CCDC13: variants seen among roughly 807,000 people sequenced by gnomAD.
CCDC13 encodes the protein coiled-coil domain containing 13.
A neutral mutation model predicts 87.3 loss-of-function variants in CCDC13; 70 were observed. The ratio of observed to expected loss-of-function variants is 0.80; its 90% CI spans 0.66 to 0.98. The LOEUF (loss-of-function observed/expected upper bound fraction) is 0.98. CCDC13 is among the 50% of genes least tolerant of loss of function. The pLI, the probability that CCDC13 is intolerant of heterozygous loss-of-function variation, is 0.00. For synonymous variants in CCDC13, 317 were observed against 360.3 expected (o/e 0.88, Z 1.36); for missense variants, 842 against 892.0 (o/e 0.94, Z 0.71).
chr3:42,729,939 G>A (rs1056684823), intron 13 of CCDC13, among the ~76,000 whole-genome samples: 4 of 152,180 alleles, frequency 2.6e-5, no homozygotes, highest in East Asian at 1.9e-4. Context: ...TCATTTGAGC[G>A]AGGAGCACTG....
chr3:42,751,313 G>A (rs953667144), intron 5 of CCDC13, among the ~76,000 whole-genome samples: 1 of 152,160 alleles, frequency 6.6e-6, no homozygotes, highest in African/African-American at 2.4e-5. Context: ...AACCCACTAG[G>A]TCAGACTGAC....
chr3:42,748,928 G>T (rs1699495472), intron 5 of CCDC13, among the ~76,000 whole-genome samples: 1 of 152,004 alleles, frequency 6.6e-6, no homozygotes, highest in Admixed American at 6.6e-5. Context: ...GCTAATTTTT[G>T]TATATTTTTT....
In CCDC13 at chr3:42,747,490, G is replaced by A. The variant is rs1310595786; in HGVS notation, c.604-117C>T. Reference sequence around the variant, plus strand: ...ACTGTGCTAAGTGTTTGACATGGAAGAACTCATTTAATCCTCATAAACCCC... The same window carrying A: ...ACTGTGCTAAGTGTTTGACATGGAAAAACTCATTTAATCCTCATAAACCCC... On this transcript the variant is annotated intron_variant, in intron 5 of 15. Transcript: ENST00000310232. The A allele has an allele frequency of 1.3e-5, 10 of 748,522 alleles. No homozygotes were observed. In the East Asian group the frequency reaches 2.5e-4, roughly 18 times the overall value. The allele number at this position is 748,522 out of a possible 1,614,324, so 46.4% of individuals were successfully genotyped here.
Position 42,708,973 on chromosome 3 carries a change from T to C in CCDC13, c.*7A>G, listed in dbSNP as rs1301129895. The C allele has an allele frequency of 6.2e-7, 1 of 1,608,992 alleles. No homozygotes were observed. The highest frequency in any genetic ancestry group is 8.5e-7 in the Non-Finnish European group (1 of 1,177,552). On this transcript the variant is annotated 3_prime_UTR_variant, in exon 16 of 16. Coordinates refer to ENST00000310232, the MANE Select transcript of CCDC13 (RefSeq NM_144719.4). Reference sequence around the variant, plus strand: ...CCACCCGGCCAGGCCGACACTGGGCTGTCATCCTATTGCTTGCCTGTCTTC... The same window carrying C: ...CCACCCGGCCAGGCCGACACTGGGCCGTCATCCTATTGCTTGCCTGTCTTC...
At chr3:42,740,451 T>A (rs1198735212) in intron 8 of CCDC13, among the ~76,000 whole-genome samples, 5 of 152,198 alleles carry the variant, frequency 3.3e-5, no homozygotes, top group Non-Finnish European at 7.3e-5. Flanking sequence ...TATGGTTTCC[T>A]GAGGGCCTAC....
At chr3:42,765,275 A>AGTAAT (rs1228929002) in intron 1 of CCDC13, among the ~76,000 whole-genome samples, 1 of 152,222 alleles carries the variant, frequency 6.6e-6, no homozygotes, top group Non-Finnish European at 1.5e-5. Flanking sequence ...TGGGATAGAC[A>AGTAAT]GTAATGCCTG....
rs1375397997 is a variant in CCDC13 at position 42,747,503 on chromosome 3, C to T, written c.604-130G>A. ...TTTGACATGGAAGAACTCATTTAAT[C>T]CTCATAAACCCCTGTGAGGTAGGTT... On this transcript the variant is annotated intron_variant, in intron 5 of 15. Transcript: ENST00000310232. 4 of 684,862 alleles carry T rather than the reference C, an allele frequency of 5.8e-6. No individual in the cohort carries two copies. The East Asian group carries it at 7.6e-5, about 13-fold the overall frequency. The allele number at this position is 684,862 out of a possible 1,614,324, so 42.4% of individuals were successfully genotyped here. A position where few individuals can be genotyped will look rare whatever the true frequency, so the allele number is the denominator to read the frequency against.
chr3:42,759,284 G>C (rs1446154047), intron 1 of CCDC13, among the ~76,000 whole-genome samples: 5 of 148,366 alleles, frequency 3.4e-5, no homozygotes, highest in African/African-American at 1.0e-4. Context: ...ATTCCATTGT[G>C]AGTAACAGTG....
At chr3:42,741,928 A>C (rs1273568041) in intron 8 of CCDC13, among the ~76,000 whole-genome samples, 7 of 152,200 alleles carry the variant, frequency 4.6e-5, no homozygotes, top group Non-Finnish European at 1.0e-4. Context: ...CACAGGGCCT[A>C]ACCCAGCGTT....
Position 42,706,267 on chromosome 3 carries a change from G to A in CCDC13, c.*2713C>T, listed in dbSNP as rs1261240896. 1 of 152,280 alleles carries A rather than the reference G, an allele frequency of 6.6e-6. No individual in the cohort carries two copies. The highest frequency in any genetic ancestry group is 1.5e-5 in the Non-Finnish European group (1 of 68,058). 9.4% of individuals were successfully genotyped at this position (152,280 alleles called of 1,614,324 possible). A position where few individuals can be genotyped will look rare whatever the true frequency, so the allele number is the denominator to read the frequency against. ...TGAGAGTTCCTGGAGGCCAGGGACT[G>A]TGTTTGCCTCACCTCGGCACCTCTG... On this transcript the variant is annotated 3_prime_UTR_variant, in exon 16 of 16. Transcript: ENST00000310232.
intron 7 of CCDC13, 121 bp downstream of exon 7, chr3:42,745,802 T>C (rs766002540): frequency 7.5e-5 from 50 of 665,556 alleles, no homozygotes; most frequent in Non-Finnish European, 1.3e-4. Flanking sequence ...GAGTGCACTG[T>C]GAGACCTAAA....
In CCDC13 at chr3:42,730,555, C is replaced by G. The variant is rs778114249; in HGVS notation, c.1630G>C (p.Ala544Pro). 6.2e-7 allele frequency: 1 copy of G among 1,614,166 alleles called. No individual in the cohort carries two copies. The highest frequency in any genetic ancestry group is 1.7e-5 in the Admixed American group (1 of 60,020). ...AGGGCCTTGATCTCTGACACTTGTGCCTGCCAGCCTTTTTGTTCTGGGGAG... is the reference window on the plus strand; with the variant it reads ...AGGGCCTTGATCTCTGACACTTGTGGCTGCCAGCCTTTTTGTTCTGGGGAG... ...SDSPEQKGWQ[A>P]QVSEIKALWQ... The change falls in exon 13 of 16, where the codon GCA (alanine) becomes CCA (proline). Residue 544 changes from alanine (A) to proline (P), a missense_variant. By Grantham distance (27) the Ala-to-Pro change is conservative. Transcript: ENST00000310232.
At chr3:42,734,322 T>G (rs1698928953) in intron 10 of CCDC13, among the ~76,000 whole-genome samples, 1 of 152,172 alleles carries the variant, frequency 6.6e-6, no homozygotes, top group African/African-American at 2.4e-5. Context: ...GCTGGTGACC[T>G]CGGAGGTAGG....
chr3:42,743,847 C>T (rs1415440807), intron 7 of CCDC13, among the ~76,000 whole-genome samples: 17 of 151,808 alleles, frequency 1.1e-4, no homozygotes, highest in Non-Finnish European at 2.9e-5. Context: ...CAGTCACTTA[C>T]AGGAGATACT....
Position 42,733,474 on chromosome 3 carries a change from A to G in CCDC13, c.1507T>C (p.Ser503Pro), listed in dbSNP as rs528290651. 5.6e-6 allele frequency: 9 copies of G among 1,614,018 alleles called. No individual in the cohort carries two copies. In the African/African-American group the frequency reaches 1.2e-4, roughly 22 times the overall value. ...TCCCTCCCATTGTTTTCTTACCGAG[A>G]AGATCCAAGCCTGCCAACATGATCG... ...AGDHVGRLGS[S>P]RSVTSLGHTL... The change falls in exon 11 of 16, where the codon TCT (serine) becomes CCT (proline). Residue 503 changes from serine to proline, a missense_variant. By Grantham distance (74) the Ser-to-Pro change is moderately conservative. Transcript: ENST00000310232.
At position 42,708,845 on chromosome 3, in the gene CCDC13, A is replaced by T; in HGVS notation, c.*135T>A. The stretch of plus-strand genomic sequence containing the variant: ...ACATTGGTTTTGGTCATCCTTAAGG[A>T]GCCTCTTCTGGTAGAAGTGGTTGAG... On this transcript the variant is annotated 3_prime_UTR_variant, in exon 16 of 16. Coordinates refer to ENST00000310232, the MANE Select transcript of CCDC13 (RefSeq NM_144719.4). 1.1e-6 allele frequency: 1 copy of T among 885,642 alleles called. No homozygotes were observed. The highest frequency in any genetic ancestry group is 1.7e-6 in the Non-Finnish European group (1 of 595,968). 54.9% of individuals were successfully genotyped at this position (885,642 alleles called of 1,614,324 possible). A position where few individuals can be genotyped will look rare whatever the true frequency, so the allele number is the denominator to read the frequency against.
At chr3:42,772,303 A>T (rs1269477327) in intron 1 of CCDC13, among the ~76,000 whole-genome samples, 2 of 151,238 alleles carry the variant, frequency 1.3e-5, no homozygotes, top group Non-Finnish European at 2.9e-5. Flanking sequence ...AATAATAAAA[A>T]AAATAAAGTA....
intron 1 of CCDC13, among the ~76,000 whole-genome samples, chr3:42,766,608 G>GA (rs34691284): frequency 0.68 from 93,502 of 137,734 alleles, 31,631 homozygotes; most frequent in East Asian, 0.88. Context: ...CTGTCTCAAA[G>GA]AAAAAAAAAA....
chr3:42,752,255 T>A (rs943771204), intron 4 of CCDC13, among the ~76,000 whole-genome samples: 13 of 152,128 alleles, frequency 8.5e-5, no homozygotes, highest in African/African-American at 3.1e-4. Flanking sequence ...GCCCAAGGGT[T>A]TACTAACAGC....
Sources: allele counts gnomAD v4.1 joint callset (sites outside exome capture counted in the v4.1 genomes callset), GRCh38; gene constraint gnomAD v4.1.1; transcripts MANE v1.5; gene names NCBI Gene and HGNC (gene_info 2026-07-23, HGNC 2026-07-21).